Variants in TBX18 observed in about 807,000 individuals in gnomAD.
TBX18 encodes T-box transcription factor 18.
TBX18 carries 21 observed loss-of-function variants against 55.0 expected under a neutral mutation model. The observed-to-expected ratio is 0.38, with a 90% CI of 0.27 to 0.55. The LOEUF (loss-of-function observed/expected upper bound fraction) is 0.55, where lower values mean the gene tolerates loss of function less well. Among genes scored for constraint, TBX18 ranks in the 20% least tolerant of loss-of-function variants. The probability of loss-of-function intolerance (pLI) is 0.73; values close to 1 mark genes in which losing one functional copy is unlikely to be tolerated. For synonymous variants in TBX18, 342 were observed against 326.1 expected (o/e 1.05, Z -0.53); for missense variants, 840 against 799.6 (o/e 1.05, Z -0.61).
chr6:84,737,742 A>G (rs1766920200), intron 7 of TBX18, among the ~76,000 whole-genome samples: 1 of 152,132 alleles, frequency 6.6e-6, no homozygotes, highest in African/African-American at 2.4e-5. Flanking sequence ...ATGTTTGCAA[A>G]CTTGACAGAA....
rs1458470821 is a variant in TBX18, at chr6:84,735,159, G to C, written c.*1526C>G. The C allele has an allele frequency of 6.6e-6, 1 of 152,172 alleles. No individual in the cohort carries two copies. Among genetic ancestry groups the C allele is most frequent in the African/African-American group, 2.4e-5 (1 of 41,446 alleles). The allele number at this position is 152,172 out of a possible 1,614,324, so 9.4% of individuals were successfully genotyped here. A position where few individuals can be genotyped will look rare whatever the true frequency, so the allele number is the denominator to read the frequency against. On this transcript the variant is annotated 3_prime_UTR_variant, in exon 8 of 8. Transcript: ENST00000369663. ...GAGAAAATCATGCTCTTTTGCTTAA[G>C]ATACATGAAATGTAATGAATGGGTC...
intron 4 of TBX18, among the ~76,000 whole-genome samples, chr6:84,754,235 C>T (rs1360147300): frequency 6.6e-6 from 1 of 152,198 alleles, no homozygotes; most frequent in Admixed American, 6.5e-5. Context: ...GGCCAAGCCA[C>T]CGTGCCCAGC....
intron 6 of TBX18, 101 bp downstream of exon 6, chr6:84,744,160 T>C: frequency 9.5e-7 from 1 of 1,056,624 alleles, no homozygotes; most frequent in Non-Finnish European, 1.4e-6. Flanking sequence ...ATGATTTCAA[T>C]ATCGTATTAG....
intron 7 of TBX18, among the ~76,000 whole-genome samples, chr6:84,737,660 T>TA (rs1168186520): frequency 1.3e-5 from 2 of 152,168 alleles, no homozygotes; most frequent in East Asian, 3.9e-4. Flanking sequence ...CTGTGAAACT[T>TA]AGAGAGGGTA....
chr6:84,738,099 C>T (rs1163567788), intron 7 of TBX18, among the ~76,000 whole-genome samples: 6 of 152,088 alleles, frequency 3.9e-5, no homozygotes, highest in East Asian at 3.9e-4. Flanking sequence ...CCTTCCTCAT[C>T]GTTAACCCAA....
chr6:84,736,648 T>TA lies in TBX18; in HGVS notation c.*36dup. ...TTTAAAAAAGAAAAAGAAAATATGT[T>TA]AGACAGATCCAAATGTCATTTAACT... On this transcript the variant is annotated 3_prime_UTR_variant, in exon 8 of 8. Transcript: ENST00000369663. The TA allele has an allele frequency of 6.7e-7, 1 of 1,493,510 alleles. No homozygotes were observed. The highest frequency in any genetic ancestry group is 8.9e-7 in the Non-Finnish European group (1 of 1,122,818). 92.5% of individuals were successfully genotyped at this position (1,493,510 alleles called of 1,614,324 possible).
Position 84,737,037 on chromosome 6 carries a change from C to G in TBX18, c.1472G>C (p.Gly491Ala), listed in dbSNP as rs771640327. The change falls in exon 8 of 8, where the codon GGA (glycine) becomes GCA (alanine). Residue 491 changes from glycine to alanine, a missense_variant. Gly to Ala is a moderately conservative substitution (Grantham distance 60). Coordinates refer to ENST00000369663, the MANE Select transcript of TBX18 (RefSeq NM_001080508.3). Reference sequence around the variant, plus strand: ...GATATACTGGAGCTGGGGGGACATTCCCGAAATCTGCATGGATAAGCTGGT... The same window carrying G: ...GATATACTGGAGCTGGGGGGACATTGCCGAAATCTGCATGGATAAGCTGGT... ...PQTSLSMQIS[G>A]MSPQLQYIMP... 4 of 1,613,918 alleles carry G rather than the reference C, an allele frequency of 2.5e-6. No individual in the cohort carries two copies. In the African/African-American group the frequency reaches 5.3e-5, roughly 22 times the overall value.
chr6:84,739,216 G>A (rs1766977594), intron 6 of TBX18, among the ~76,000 whole-genome samples: 1 of 151,792 alleles, frequency 6.6e-6, no homozygotes, highest in South Asian at 2.1e-4. Flanking sequence ...TGTGTGGGAG[G>A]AGAGCAGGAA....
rs1766889022 is a variant in TBX18, at chr6:84,737,103, G to C, written c.1406C>G (p.Ser469Cys). The C allele has an allele frequency of 6.2e-7, 1 of 1,614,200 alleles. No individual in the cohort carries two copies. Residue 469 changes from serine to cysteine, a missense_variant, in exon 8 of 8, where the codon TCC becomes TGC. Physicochemically the swap from Ser to Cys is moderately radical, Grantham distance 112 (BLOSUM62 -1). Transcript: ENST00000369663. Reference protein sequence around the residue: ...GVSSSTSVNMSMGGTDGDTFS... With the variant: ...GVSSSTSVNMCMGGTDGDTFS... The stretch of plus-strand genomic sequence containing the variant: ...GGTGTCCCCATCAGTGCCACCCATG[G>C]ACATGTTCACGGAGGTGCTGCTGCT...
At chr6:84,748,659 G>A (rs1013442489) in intron 4 of TBX18, among the ~76,000 whole-genome samples, 16 of 152,166 alleles carry the variant, frequency 1.1e-4, no homozygotes, top group Admixed American at 9.8e-4. Flanking sequence ...CTATCACAAT[G>A]AGGCTTCCAT....
rs1238144077 is a variant in TBX18, at chr6:84,763,966, G to A, written c.216C>T (p.Gly72=). The change falls in exon 1 of 8, where the codon GGC becomes GGT. Residue 72 remains glycine, a synonymous_variant. Coordinates refer to ENST00000369663, the MANE Select transcript of TBX18 (RefSeq NM_001080508.3). ...GEKGSSEGDE[G]AALPPPAGAT... ...CCCCAGCCGGCGGCGGGAGCGCAGC[G>A]CCTTCGTCTCCCTCAGAAGAACCCT... 4 of 1,580,098 alleles carry A rather than the reference G, an allele frequency of 2.5e-6. No homozygotes were observed. The highest frequency in any genetic ancestry group is 2.3e-5 in the East Asian group (1 of 43,304).
intron 5 of TBX18, 62 bp from the exon 6 acceptor site, chr6:84,744,387 T>C: frequency 2.7e-6 from 4 of 1,459,562 alleles, no homozygotes; most frequent in Non-Finnish European, 3.8e-6. Context: ...TTTTACTTGG[T>C]TGCAAAACTA....
In TBX18 at chr6:84,764,365, G is replaced by A; in HGVS notation, c.-184C>T. The A allele has an allele frequency of 1.1e-6, 1 of 879,798 alleles. No individual in the cohort carries two copies. The highest frequency in any genetic ancestry group is 1.6e-6 in the Non-Finnish European group (1 of 631,976). 54.5% of individuals were successfully genotyped at this position (879,798 alleles called of 1,614,324 possible). On this transcript the variant is annotated 5_prime_UTR_variant, in exon 1 of 8. Coordinates refer to ENST00000369663, the MANE Select transcript of TBX18 (RefSeq NM_001080508.3). ...CTTTCTCGCTTGTGTTGGGATCCAGGAACCGGCGACGCGCCGGCCAAGTCT... is the reference window on the plus strand; with the variant it reads ...CTTTCTCGCTTGTGTTGGGATCCAGAAACCGGCGACGCGCCGGCCAAGTCT...
intron 4 of TBX18, 96 bp from the exon 5 acceptor site, chr6:84,748,183 G>T: frequency 1.1e-6 from 1 of 928,848 alleles, no homozygotes. Flanking sequence ...ATTCTGATTG[G>T]AAATCATTTC....
Position 84,738,545 on chromosome 6 carries a change from A to T in TBX18, c.1051T>A (p.Ser351Thr). 6.2e-7 allele frequency: 1 copy of T among 1,614,066 alleles called. No homozygotes were observed. The change falls in exon 7 of 8, where the codon TCA becomes ACA. Residue 351 changes from serine to threonine, a missense_variant. By Grantham distance (58) the Ser-to-Thr change is moderately conservative (BLOSUM62 1). Transcript: ENST00000369663. ...LVESYAFWRP[S>T]LRTLTFEDIP... ...TCTTCAAAGGTCAGAGTCCGTAGTG[A>T]TGGTCGCCAGAATGCATATGATTCC...
chr6:84,755,552 T>C (rs1398607324), intron 4 of TBX18, among the ~76,000 whole-genome samples: 5 of 152,146 alleles, frequency 3.3e-5, no homozygotes, highest in African/African-American at 7.2e-5. Context: ...AAATAAGGAA[T>C]AAAAATAAGG....
chr6:84,745,011 A>C (rs923928854), intron 5 of TBX18, among the ~76,000 whole-genome samples: 3 of 152,162 alleles, frequency 2.0e-5, no homozygotes, highest in African/African-American at 7.2e-5. Flanking sequence ...AATGGAGTAA[A>C]AATAAATGAT....
chr6:84,763,855 G>A (rs138953349), intron 1 of TBX18, 35 bp downstream of exon 1: 1 of 1,457,048 alleles, frequency 6.9e-7, no homozygotes, highest in East Asian at 2.6e-5. Flanking sequence ...GGTTCGCGCC[G>A]GAGAGAAGTT....
In TBX18 at chr6:84,733,751, G is replaced by A. The variant is rs1371847283; in HGVS notation, c.*2934C>T. The A allele has an allele frequency of 6.6e-6, 1 of 152,152 alleles. No individual in the cohort carries two copies. Among genetic ancestry groups the A allele is most frequent in the Non-Finnish European group, 1.5e-5 (1 of 68,026 alleles). 9.4% of individuals were successfully genotyped at this position (152,152 alleles called of 1,614,324 possible). On this transcript the variant is annotated 3_prime_UTR_variant, in exon 8 of 8. Coordinates refer to ENST00000369663, the MANE Select transcript of TBX18 (RefSeq NM_001080508.3). The stretch of plus-strand genomic sequence containing the variant: ...TGCTGTTTATTAATTTCACACTAAG[G>A]TGTGAGTTACTGGTAGGATTAAGTC...
Sources: allele counts gnomAD v4.1 joint callset (sites outside exome capture counted in the v4.1 genomes callset), GRCh38; gene constraint gnomAD v4.1.1; transcripts MANE v1.5; gene names NCBI Gene and HGNC (gene_info 2026-07-23, HGNC 2026-07-21).